The following AHCYL2 variants were observed in gnomAD, a reference collection of about 807,000 sequenced individuals.
AHCYL2 encodes the protein adenosylhomocysteinase like 2, also known as S-adenosylhomocysteine hydrolase-like protein 2.
AHCYL2 carries 28 observed loss-of-function variants against 81.4 expected under a neutral mutation model. The ratio of observed to expected loss-of-function variants is 0.34; its 90% CI spans 0.25 to 0.47. AHCYL2 has a LOEUF of 0.47. Among genes scored for constraint, AHCYL2 ranks in the 20% least tolerant of loss-of-function variants. The pLI, the probability that AHCYL2 is intolerant of heterozygous loss-of-function variation, is 1.00. For missense variants in AHCYL2, 551 were observed against 785.1 expected (o/e 0.70, Z 3.56); for synonymous variants, 272 against 290.2 (o/e 0.94, Z 0.64).
chr7:129,392,613 C>T (rs989697689), intron 4 of AHCYL2, among the ~76,000 whole-genome samples: 1 of 152,156 alleles, frequency 6.6e-6, no homozygotes, highest in Non-Finnish European at 1.5e-5. Flanking sequence ...CATAGCAATC[C>T]CCAAATACTT....
At chr7:129,276,320 A>G (rs1348258103) in intron 1 of AHCYL2, among the ~76,000 whole-genome samples, 6 of 152,068 alleles carry the variant, frequency 3.9e-5, no homozygotes, top group Non-Finnish European at 1.5e-5. Flanking sequence ...ACAGCCTTAC[A>G]TGCTTATATT....
chr7:129,418,779 A>G (rs187632686), intron 12 of AHCYL2, among the ~76,000 whole-genome samples: 3 of 152,298 alleles, frequency 2.0e-5, no homozygotes, highest in Non-Finnish European at 2.9e-5. Context: ...GTATAAAGAA[A>G]ACCCTCTGGA....
intron 4 of AHCYL2, among the ~76,000 whole-genome samples, chr7:129,395,736 C>G (rs993048261): frequency 6.6e-6 from 1 of 151,774 alleles, no homozygotes; most frequent in Admixed American, 6.5e-5. Flanking sequence ...CAATCAGCTC[C>G]CTGCCCCAGT....
intron 1 of AHCYL2, among the ~76,000 whole-genome samples, chr7:129,268,971 C>A (rs2150725735): frequency 6.6e-6 from 1 of 152,212 alleles, no homozygotes; most frequent in Non-Finnish European, 1.5e-5. Flanking sequence ...TTGTAGTAAT[C>A]ATTCCCTAGG....
At chr7:129,302,554 G>A (rs1367158237) in intron 1 of AHCYL2, among the ~76,000 whole-genome samples, 1 of 152,074 alleles carries the variant, frequency 6.6e-6, no homozygotes, top group African/African-American at 2.4e-5. Context: ...GTTATTTTTA[G>A]GGTTTTTATC....
chr7:129,253,197 ACT>A (rs1280255141), intron 1 of AHCYL2, among the ~76,000 whole-genome samples: 2 of 150,394 alleles, frequency 1.3e-5, no homozygotes, highest in Non-Finnish European at 3.0e-5. Flanking sequence ...ACAGAGCAAG[ACT>A]CTGTTTCAAA....
At chr7:129,290,169 A>G (rs1196816348) in intron 1 of AHCYL2, among the ~76,000 whole-genome samples, 1 of 152,150 alleles carries the variant, frequency 6.6e-6, no homozygotes, top group East Asian at 1.9e-4. Flanking sequence ...CTTTCAATAA[A>G]TGTCAAATGA....
chr7:129,288,323 T>C (rs1796710420), intron 1 of AHCYL2, among the ~76,000 whole-genome samples: 1 of 152,174 alleles, frequency 6.6e-6, no homozygotes, highest in Non-Finnish European at 1.5e-5. Context: ...CTTTGTCTTC[T>C]GCAACTCCTG....
At chr7:129,291,890 C>T (rs1484203240) in intron 1 of AHCYL2, among the ~76,000 whole-genome samples, 1 of 152,104 alleles carries the variant, frequency 6.6e-6, no homozygotes, top group African/African-American at 2.4e-5. Flanking sequence ...CAGGTGTGAG[C>T]CACTGCGCCC....
At chr7:129,313,968 G>A (rs1797750095) in intron 1 of AHCYL2, among the ~76,000 whole-genome samples, 1 of 152,106 alleles carries the variant, frequency 6.6e-6, no homozygotes, top group Non-Finnish European at 1.5e-5. Flanking sequence ...TACTGACAAG[G>A]TTACCAGGGC....
At chr7:129,360,901 A>G (rs1175463466) in intron 1 of AHCYL2, among the ~76,000 whole-genome samples, 1 of 152,186 alleles carries the variant, frequency 6.6e-6, no homozygotes, top group East Asian at 1.9e-4. Context: ...GTTATAAACA[A>G]GGAAGTGATA....
At chr7:129,360,571 A>T (rs555737216) in intron 1 of AHCYL2, among the ~76,000 whole-genome samples, 2 of 152,390 alleles carry the variant, frequency 1.3e-5, no homozygotes, top group African/African-American at 4.8e-5. Flanking sequence ...TATAGTATCA[A>T]TGCTGACATG....
intron 1 of AHCYL2, among the ~76,000 whole-genome samples, chr7:129,365,050 C>T (rs955151256): frequency 2.6e-5 from 4 of 152,074 alleles, no homozygotes; most frequent in African/African-American, 9.7e-5. Flanking sequence ...TCTTAAGCAC[C>T]TACTATATCG....
intron 1 of AHCYL2, among the ~76,000 whole-genome samples, chr7:129,328,747 A>G (rs1015429206): frequency 1.3e-5 from 2 of 152,076 alleles, no homozygotes; most frequent in African/African-American, 4.8e-5. Flanking sequence ...CGGCCTCCCA[A>G]AGTGTTGGGA....
chr7:129,423,433 C>T (rs1054031307), intron 13 of AHCYL2, among the ~76,000 whole-genome samples: 2 of 152,146 alleles, frequency 1.3e-5, no homozygotes, highest in African/African-American at 2.4e-5. Context: ...ATCAATTGCT[C>T]AATTGATATT....
intron 1 of AHCYL2, among the ~76,000 whole-genome samples, chr7:129,359,028 TA>T (rs1457426403): frequency 1.3e-5 from 2 of 152,212 alleles, no homozygotes; most frequent in Non-Finnish European, 2.9e-5. Context: ...AATATTTTCA[TA>T]TGGGTACCGA....
intron 4 of AHCYL2, among the ~76,000 whole-genome samples, chr7:129,392,703 C>A (rs542513329): frequency 6.6e-6 from 1 of 152,310 alleles, no homozygotes; most frequent in South Asian, 2.1e-4. Flanking sequence ...AACATTGATT[C>A]ATTATTACCA....
chr7:129,285,761 A>G (rs1469998901), intron 1 of AHCYL2, among the ~76,000 whole-genome samples: 1 of 141,678 alleles, frequency 7.1e-6, no homozygotes, highest in Non-Finnish European at 1.5e-5. Flanking sequence ...GTGCAGTGGC[A>G]CGATCTCAAC....
intron 1 of AHCYL2, among the ~76,000 whole-genome samples, chr7:129,280,533 C>A (rs1399226788): frequency 6.6e-6 from 1 of 152,126 alleles, no homozygotes; most frequent in Non-Finnish European, 1.5e-5. Flanking sequence ...AGATTTTCAA[C>A]TGAGGCAGTT....
Sources: gnomAD v4.1 joint callset for allele counts (sites outside exome capture counted in the v4.1 genomes callset) on GRCh38, gnomAD v4.1.1 for gene constraint, MANE v1.5 for transcripts, NCBI Gene and HGNC (gene_info 2026-07-23, HGNC 2026-07-21) for gene names.